SFXN5: variants seen among roughly 807,000 people sequenced by gnomAD.
The protein encoded by SFXN5 is sideroflexin 5.
In SFXN5, 43 loss-of-function variants were observed where a neutral mutation model predicts 50.2. The observed-to-expected ratio is 0.86, with a 90% CI of 0.67 to 1.11. SFXN5 has a LOEUF of 1.11. Ranked by LOEUF, SFXN5 falls within the 50% of genes least tolerant of loss-of-function variation. The pLI, the probability that SFXN5 is intolerant of heterozygous loss-of-function variation, is 0.00. For missense variants in SFXN5, 463 were observed against 454.1 expected (o/e 1.02, Z -0.18); for synonymous variants, 203 against 185.8 (o/e 1.09, Z -0.75).
chr2:72,974,064 C>T (rs995626344), intron 10 of SFXN5, among the ~76,000 whole-genome samples: 3 of 152,218 alleles, frequency 2.0e-5, no homozygotes, highest in Admixed American at 1.3e-4. Flanking sequence ...CCACCCAACC[C>T]CACCTTGGCT....
chr2:72,947,368 C>T (rs1672069413), intron 13 of SFXN5, among the ~76,000 whole-genome samples: 1 of 152,244 alleles, frequency 6.6e-6, no homozygotes, highest in Non-Finnish European at 1.5e-5. Context: ...TCTCCAGGGA[C>T]TGAGCCCGTG....
chr2:72,969,216 GCTGA>G (rs1221456536), intron 11 of SFXN5, among the ~76,000 whole-genome samples: 1 of 152,180 alleles, frequency 6.6e-6, no homozygotes, highest in Admixed American at 6.5e-5. Context: ...CAGGGAGGTG[GCTGA>G]CTACCTCGGG....
Position 72,961,232 on chromosome 2 carries a change from C to T in SFXN5, c.844G>A (p.Ala282Thr), listed in dbSNP as rs1331794238. Residue 282 changes from alanine to threonine, a missense_variant, in exon 13 of 14, where the codon GCA (alanine) becomes ACA (threonine). Transcript: ENST00000272433. This position sits in a 1 kb window ranked among gnomAD's most constrained non-coding sequence, Gnocchi z 4.4. Reference sequence around the variant, plus strand: ...ACAGGGAGGAGCAGCCGGGGGCGTGCCTGCAGGAGAGCCGTCCTGTGAGGG... The same window carrying T: ...ACAGGGAGGAGCAGCCGGGGGCGTGTCTGCAGGAGAGCCGTCCTGTGAGGG... The part of the protein sequence containing the change: ...SMLEKTALLQ[A>T]RPRLLLPVQS... The T allele has an allele frequency of 1.3e-6, 2 of 1,534,102 alleles. No homozygotes were observed. The highest frequency in any genetic ancestry group is 1.7e-6 in the Non-Finnish European group (2 of 1,148,322).
At chr2:73,005,296 C>T (rs1674489416) in intron 6 of SFXN5, among the ~76,000 whole-genome samples, 1 of 152,244 alleles carries the variant, frequency 6.6e-6, no homozygotes, top group Non-Finnish European at 1.5e-5. Flanking sequence ...CCCCTGGCAG[C>T]TGTGCTCTCT....
chr2:73,019,158 G>T (rs1676519562), intron 6 of SFXN5, among the ~76,000 whole-genome samples: 1 of 152,130 alleles, frequency 6.6e-6, no homozygotes, highest in Admixed American at 6.5e-5. Context: ...TCACAATGTG[G>T]AGTAAAAGAA....
chr2:73,052,563 A>C (rs1681507870), intron 2 of SFXN5, among the ~76,000 whole-genome samples: 1 of 146,374 alleles, frequency 6.8e-6, no homozygotes, highest in Non-Finnish European at 1.5e-5. Flanking sequence ...TCAGATTGTG[A>C]CACGAGTTCT....
chr2:72,999,003 T>G lies in SFXN5; in HGVS notation c.480A>C (p.Ala160=), dbSNP rs775566256. 1.2e-6 allele frequency: 2 copies of G among 1,614,036 alleles called. No homozygotes were observed. The highest frequency in any genetic ancestry group is 1.3e-5 in the African/African-American group (1 of 74,936). The part of the protein sequence containing the change: ...ANRNATKPSP[A]SKFIQGYLGA... Reference sequence around the variant, plus strand: ...CCAGGTATCCCTGGATGAACTTGGATGCAGGTGAAGGCTGGAAAACAGAGG... The same window carrying G: ...CCAGGTATCCCTGGATGAACTTGGAGGCAGGTGAAGGCTGGAAAACAGAGG... The change falls in exon 9 of 14, where the codon GCA becomes GCC. Residue 160 remains alanine (A), a synonymous_variant. Transcript: ENST00000272433.
chr2:72,960,049 G>A lies in SFXN5; in HGVS notation c.945+1082C>T, dbSNP rs888283928. Among the ~76,000 whole-genome samples, 9 of 151,420 alleles carry A rather than the reference G, an allele frequency of 5.9e-5. No homozygotes were observed. The highest frequency in any genetic ancestry group is 2.0e-4 in the East Asian group (1 of 5,112). ...CACCCACCCTGATCACACATGGCCC[G>A]GATCTGCCCTCACCACCCTGGCTGC... On this transcript the variant is annotated intron_variant, in intron 13 of 13. Coordinates refer to ENST00000272433, the MANE Select transcript of SFXN5 (RefSeq NM_144579.3). The surrounding 1 kb of genome is among the most constrained non-coding windows in gnomAD (Gnocchi z 6.1).
chr2:73,021,370 G>GCTACT (rs1241459943), intron 5 of SFXN5, among the ~76,000 whole-genome samples: 10 of 152,318 alleles, frequency 6.6e-5, no homozygotes, highest in Admixed American at 3.3e-4. Flanking sequence ...TGCAGTCCCA[G>GCTACT]CTACTCGGGA....
At chr2:73,013,949 CAT>C (rs958287184) in intron 6 of SFXN5, among the ~76,000 whole-genome samples, 29 of 152,120 alleles carry the variant, frequency 1.9e-4, no homozygotes, top group Non-Finnish European at 4.0e-4. Context: ...AAAATGTACT[CAT>C]AAACTATATA....
intron 9 of SFXN5, among the ~76,000 whole-genome samples, chr2:72,996,091 G>C (rs959289978): frequency 6.6e-6 from 1 of 152,188 alleles, no homozygotes. Flanking sequence ...TAATCCAGTG[G>C]GGATGAGGCT....
rs900280644 is a variant in SFXN5, at chr2:72,943,264, A to AG, written c.*1757dup. The stretch of plus-strand genomic sequence containing the variant: ...GCCATGCCCATGGAAGGCCCACCTC[A>AG]GCACACTTCCCCTACCCTAAGATGC... On this transcript the variant is annotated 3_prime_UTR_variant, in exon 14 of 14. Coordinates refer to ENST00000272433, the MANE Select transcript of SFXN5 (RefSeq NM_144579.3). The AG allele has an allele frequency of 1.3e-5, 2 of 152,304 alleles. No individual in the cohort carries two copies. Among genetic ancestry groups the AG allele is most frequent in the Admixed American group, 6.5e-5 (1 of 15,284 alleles). The allele number at this position is 152,304 out of a possible 1,614,324, so 9.4% of individuals were successfully genotyped here. A position where few individuals can be genotyped will look rare whatever the true frequency, so the allele number is the denominator to read the frequency against.
rs771627456 is a variant in SFXN5, at chr2:73,071,592, C to T, written c.102+12G>A. ...CCACCCGCCGGCCCGCAGACCACAG[C>T]CCGGTCCTCACCTGCTGGAAGCGGG... On this transcript the variant is annotated intron_variant, in intron 1 of 13. Transcript: ENST00000272433. 12 of 1,612,348 alleles carry T rather than the reference C, an allele frequency of 7.4e-6. No homozygotes were observed. The highest frequency in any genetic ancestry group is 8.5e-7 in the Non-Finnish European group (1 of 1,179,132).
At position 73,040,940 on chromosome 2, in the gene SFXN5, G is replaced by T. The variant is rs1426474261; in HGVS notation, c.172-9C>A. 5 of 1,610,954 alleles carry T rather than the reference G, an allele frequency of 3.1e-6. No homozygotes were observed. Among genetic ancestry groups the T allele is most frequent in the Non-Finnish European group, 4.2e-6 (5 of 1,179,256 alleles). ...GCCTCTCTGAGACGTCTCTGCAGAA[G>T]AAAGAAAAGAGACATTGAGGGGCAC... On this transcript the variant is annotated splice_polypyrimidine_tract_variant and intron_variant, in intron 2 of 13. Transcript: ENST00000272433.
chr2:73,000,611 C>T, intron 7 of SFXN5, 124 bp from the exon 8 acceptor site: 1 of 893,578 alleles, frequency 1.1e-6, no homozygotes, highest in Non-Finnish European at 1.7e-6. Flanking sequence ...TCACATGGTG[C>T]CGCCCATGCT....
intron 1 of SFXN5, among the ~76,000 whole-genome samples, chr2:73,062,140 T>A (rs1248640690): frequency 6.6e-6 from 1 of 152,044 alleles, no homozygotes; most frequent in Non-Finnish European, 1.5e-5. Context: ...AAGTAAAACA[T>A]GAACTGATAT....
At chr2:72,988,152 C>A in intron 10 of SFXN5, 106 bp downstream of exon 10, 2 of 999,502 alleles carry the variant, frequency 2.0e-6, no homozygotes, top group Admixed American at 5.3e-5. Flanking sequence ...AGCTGGGTGC[C>A]CCCTGGGCAT....
intron 13 of SFXN5, among the ~76,000 whole-genome samples, chr2:72,959,087 C>A (rs1016687855): frequency 2.0e-5 from 3 of 152,164 alleles, no homozygotes; most frequent in Non-Finnish European, 4.4e-5. Context: ...CTCCAGGAGC[C>A]CTCACCTCTC....
intron 6 of SFXN5, among the ~76,000 whole-genome samples, chr2:73,014,136 T>C (rs1256875155): frequency 6.6e-6 from 1 of 152,202 alleles, no homozygotes; most frequent in Non-Finnish European, 1.5e-5. Context: ...AAGCCATGAC[T>C]GATTCATTTT....
Sources: allele counts gnomAD v4.1 joint callset (sites outside exome capture counted in the v4.1 genomes callset), GRCh38; gene constraint gnomAD v4.1.1; non-coding constraint Gnocchi (gnomAD v3.1); transcripts MANE v1.5; gene names NCBI Gene and HGNC (gene_info 2026-07-23, HGNC 2026-07-21).